WFDC3: variants seen among roughly 807,000 people sequenced by gnomAD.
WFDC3 encodes the protein WAP four-disulfide core domain 3, also known as WAP four-disulfide core domain protein 3.
Under a neutral mutation model 25.8 loss-of-function variants are expected in WFDC3, and 15 were observed. That is an observed-to-expected ratio of 0.58 (90% CI 0.39 to 0.89). The LOEUF (loss-of-function observed/expected upper bound fraction) is 0.89, where lower values mean the gene tolerates loss of function less well. Among genes scored for constraint, WFDC3 ranks in the 40% least tolerant of loss-of-function variants. The probability of loss-of-function intolerance (pLI) is 0.00; values close to 1 mark genes in which losing one functional copy is unlikely to be tolerated. For missense variants in WFDC3, 264 were observed against 289.8 expected, an observed-to-expected ratio of 0.91 and a Z score of 0.65; for synonymous variants, 103 against 107.1, an observed-to-expected ratio of 0.96 and a Z score of 0.24.
intron 5 of WFDC3, 41 bp from the exon 6 acceptor site, chr20:45,775,643 G>A: frequency 6.2e-7 from 1 of 1,609,660 alleles, no homozygotes; most frequent in Non-Finnish European, 8.5e-7. Flanking sequence ...CAGGGCATCA[G>A]CTCTGCCATC....
intron 4 of WFDC3, among the ~76,000 whole-genome samples, chr20:45,781,612 T>C (rs181320559): frequency 6.6e-6 from 1 of 152,366 alleles, no homozygotes; most frequent in African/African-American, 2.4e-5. Flanking sequence ...CACTTAATTC[T>C]TCCAGCATGG....
chr20:45,780,265 C>T (rs533081560), intron 4 of WFDC3, among the ~76,000 whole-genome samples: 127 of 151,944 alleles, frequency 8.4e-4, no homozygotes, highest in Admixed American at 1.4e-3. Flanking sequence ...TTTATAGAGA[C>T]AGGGTCTCAC....
In WFDC3 at chr20:45,790,024, C is replaced by T. The variant is rs1199453898; in HGVS notation, c.-7-42G>A. ...GAGCTCAGTTCAGGCTAGAGGTGTA[C>T]ACCTTGCCCAGAGTATCAGCTGAGG... On this transcript the variant is annotated intron_variant, in intron 1 of 6. Transcript: ENST00000243938. 8 of 1,536,756 alleles carry T rather than the reference C, an allele frequency of 5.2e-6. No individual in the cohort carries two copies. The Admixed American group carries it at 1.2e-4, about 23-fold the overall frequency.
intron 4 of WFDC3, among the ~76,000 whole-genome samples, chr20:45,781,604 C>T (rs1354069825): frequency 6.6e-6 from 1 of 152,220 alleles, no homozygotes; most frequent in African/African-American, 2.4e-5. Flanking sequence ...ACAGGATGCA[C>T]TTAATTCTTC....
intron 4 of WFDC3, among the ~76,000 whole-genome samples, chr20:45,781,597 G>A (rs6065890): frequency 0.03 from 4,515 of 152,298 alleles, 183 homozygotes; most frequent in Admixed American, 0.12. Context: ...TAGAGTCACA[G>A]GATGCACTTA....
At chr20:45,776,658 A>ATGTGTG (rs1226207681) in intron 5 of WFDC3, among the ~76,000 whole-genome samples, 4 of 95,298 alleles carry the variant, frequency 4.2e-5, no homozygotes, top group African/African-American at 1.4e-4. Context: ...ATATATATAT[A>ATGTGTG]TATGTGTGTG....
rs1980406379 is a variant in WFDC3, at chr20:45,780,781, T to C, written c.359-3572A>G. On this transcript the variant is annotated intron_variant, in intron 4 of 6. Coordinates refer to ENST00000243938, the MANE Select transcript of WFDC3 (RefSeq NM_080614.2). ...CCAGTTGTTGTTGGAAAAGTAAAATTTCAGCACTTCTTAACCCAAGAAGGG... is the reference window on the plus strand; with the variant it reads ...CCAGTTGTTGTTGGAAAAGTAAAATCTCAGCACTTCTTAACCCAAGAAGGG... 2.0e-5 allele frequency among the ~76,000 whole-genome samples: 3 copies of C among 152,102 alleles called. No individual in the cohort carries two copies. The South Asian group carries it at 6.2e-4, about 32-fold the overall frequency.
chr20:45,775,539 T>G lies in WFDC3; in HGVS notation c.557A>C (p.Glu186Ala). The change falls in exon 6 of 7, where the codon GAG (glutamate) becomes GCG (alanine). Residue 186 changes from glutamate to alanine, a missense_variant. By Grantham distance (107) the Glu-to-Ala change is moderately radical. Transcript: ENST00000243938. Reference sequence around the variant, plus strand: ...ACATTTTTCTCCAGCTTGACAATTCTCATCCATCACACAGCCAACAATGCA... The same window carrying G: ...ACATTTTTCTCCAGCTTGACAATTCGCATCCATCACACAGCCAACAATGCA... The part of the protein sequence containing the change: ...GLCIVGCVMD[E>A]NCQAGEKCCK... 6.2e-7 allele frequency: 1 copy of G among 1,614,196 alleles called. No homozygotes were observed. Among genetic ancestry groups the G allele is most frequent in the Non-Finnish European group, 8.5e-7 (1 of 1,180,032 alleles).
At chr20:45,785,172 G>A (rs898010680) in intron 4 of WFDC3, among the ~76,000 whole-genome samples, 7 of 152,016 alleles carry the variant, frequency 4.6e-5, no homozygotes, top group Non-Finnish European at 1.0e-4. Context: ...AACAGGGAAG[G>A]CATAGGATTC....
Position 45,791,833 on chromosome 20 carries a change from A to G in WFDC3, c.-9T>C. 1 of 420,162 alleles carries G rather than the reference A, an allele frequency of 2.4e-6. No individual in the cohort carries two copies. Among genetic ancestry groups the G allele is most frequent in the East Asian group, 3.6e-5 (1 of 27,912 alleles). 26.0% of individuals were successfully genotyped at this position (420,162 alleles called of 1,614,324 possible). A position where few individuals can be genotyped will look rare whatever the true frequency, so the allele number is the denominator to read the frequency against. On this transcript the variant is annotated splice_region_variant and 5_prime_UTR_variant, in exon 1 of 7. Transcript: ENST00000243938. ...GAAGCCCCAACGACCTCCACCTACA[A>G]GGCCTCTAAGTGTAACTGTCCTGGG...
chr20:45,788,888 T>A (rs1467464687), intron 3 of WFDC3, 43 bp downstream of exon 3: 22 of 1,574,316 alleles, frequency 1.4e-5, no homozygotes, highest in Non-Finnish European at 1.0e-5. Flanking sequence ...CCAGAGGCAA[T>A]GTCAGAGAGT....
intron 2 of WFDC3, 129 bp from the exon 3 acceptor site, chr20:45,789,188 A>G: frequency 7.9e-7 from 1 of 1,272,504 alleles, no homozygotes; most frequent in South Asian, 1.5e-5. Context: ...TGGGTGACAG[A>G]ATGAGACCCT....
chr20:45,776,392 G>A (rs1980158491), intron 5 of WFDC3, among the ~76,000 whole-genome samples: 2 of 149,382 alleles, frequency 1.3e-5, no homozygotes. Flanking sequence ...CAGATCACGA[G>A]GTCAGGAGTT....
chr20:45,790,431 A>G (rs1299711026), intron 1 of WFDC3, among the ~76,000 whole-genome samples: 1 of 152,264 alleles, frequency 6.6e-6, no homozygotes, highest in Non-Finnish European at 1.5e-5. Context: ...GCTCCTGTTC[A>G]TCCTAGCAAC....
intron 5 of WFDC3, among the ~76,000 whole-genome samples, chr20:45,776,658 A>ATGTGTGTGTGTGTGTGTGTGTGTG (rs1226207681): frequency 1.0e-5 from 1 of 95,298 alleles, no homozygotes; most frequent in African/African-American, 3.6e-5. Flanking sequence ...ATATATATAT[A>ATGTGTGTGTGTGTGTGTGTGTGTG]TATGTGTGTG....
intron 2 of WFDC3, 97 bp downstream of exon 2, chr20:45,789,797 C>T (rs1259630590): frequency 2.7e-6 from 3 of 1,110,798 alleles, no homozygotes; most frequent in South Asian, 1.3e-5. Context: ...TCTCCACTTA[C>T]AAGCAACCTT....
At chr20:45,783,206 G>A (rs954088908) in intron 4 of WFDC3, among the ~76,000 whole-genome samples, 1 of 152,182 alleles carries the variant, frequency 6.6e-6, no homozygotes, top group Non-Finnish European at 1.5e-5. Context: ...GGATAGGTCA[G>A]GCATCAGATA....
chr20:45,777,307 T>C (rs186951110), intron 4 of WFDC3, 98 bp from the exon 5 acceptor site: 2 of 1,138,424 alleles, frequency 1.8e-6, no homozygotes, highest in East Asian at 3.4e-5. Context: ...TATATATTTA[T>C]ATACATATAT....
At position 45,789,931 on chromosome 20, in the gene WFDC3, A is replaced by G. The variant is rs145939035; in HGVS notation, c.45T>C (p.Leu15=). The G allele has an allele frequency of 8.1e-6, 13 of 1,614,046 alleles. No individual in the cohort carries two copies. The highest frequency in any genetic ancestry group is 8.5e-6 in the Non-Finnish European group (10 of 1,180,024). The change falls in exon 2 of 7, where the codon CTT becomes CTC. Residue 15 remains leucine, a synonymous_variant. Transcript: ENST00000243938. ...CAGTTATCCAGGATTCCAGAGACCC[A>G]AGAGCAAGAAGTGCCTTCAGAAGAA... is the stretch of plus-strand genomic sequence containing the variant. ...CLFLLKALLA[L]GSLESWITAG... is the part of the protein sequence containing the mutation.
Sources: gnomAD v4.1 joint callset for allele counts (sites outside exome capture counted in the v4.1 genomes callset) on GRCh38, gnomAD v4.1.1 for gene constraint, MANE v1.5 for transcripts, NCBI Gene and HGNC (gene_info 2026-07-23, HGNC 2026-07-21) for gene names.